Variants in CCDC178 observed in about 807,000 individuals in gnomAD.
The protein encoded by CCDC178 is coiled-coil domain-containing protein 178.
In CCDC178, 126 loss-of-function variants were observed where a neutral mutation model predicts 117.4. That is an observed-to-expected ratio of 1.07 (90% CI 0.93 to 1.24). CCDC178 has a LOEUF of 1.24. Ranked by LOEUF, CCDC178 falls within the 50% of genes most tolerant of loss-of-function variation. CCDC178 has a pLI of 0.00. For synonymous variants in CCDC178, 283 were observed against 313.4 expected (o/e 0.90, Z 1.02); for missense variants, 1,030 against 986.9 (o/e 1.04, Z -0.59).
chr18:33,044,877 A>T (rs1457093976), intron 21 of CCDC178, among the ~76,000 whole-genome samples: 1 of 152,130 alleles, frequency 6.6e-6, no homozygotes, highest in African/African-American at 2.4e-5. Context: ...AGCAACATGG[A>T]TGGAAATGGA....
At chr18:33,440,475 C>T (rs1225200318) in intron 1 of CCDC178, 178 bp downstream of exon 1, 1 of 152,126 alleles carries the variant, frequency 6.6e-6, no homozygotes, top group Non-Finnish European at 1.5e-5. Context: ...CTCCCCACCG[C>T]CTCTGGAAGG....
chr18:33,266,783 A>G, intron 14 of CCDC178, 133 bp downstream of exon 14: 1 of 936,958 alleles, frequency 1.1e-6, no homozygotes, highest in Non-Finnish European at 1.5e-6. Context: ...AACATTTTGA[A>G]TAGAACTTAA....
chr18:33,320,170 T>TA (rs2062485265), intron 11 of CCDC178, among the ~76,000 whole-genome samples: 1 of 152,182 alleles, frequency 6.6e-6, no homozygotes, highest in Non-Finnish European at 1.5e-5. Context: ...TCATTGCCTT[T>TA]GAAAACTGGC....
intron 21 of CCDC178, among the ~76,000 whole-genome samples, chr18:33,045,288 A>C (rs150466338): frequency 1.5e-3 from 221 of 152,354 alleles, no homozygotes; most frequent in African/African-American, 5.0e-3. Flanking sequence ...TGATGCCTGT[A>C]GTGCTTAATA....
chr18:33,110,124 C>T lies in CCDC178; in HGVS notation c.2239-17214G>A, dbSNP rs868592390. ...AGAGAAGTGTGTAGAGATATGTCAT[C>T]GTAGTTTTCATTTGCATTTATTTAT... On this transcript the variant is annotated intron_variant, in intron 20 of 22. Transcript: ENST00000383096. Among the ~76,000 whole-genome samples, 5 of 151,508 alleles carry T rather than the reference C, an allele frequency of 3.3e-5. 1 individual carries two copies. Among genetic ancestry groups the T allele is most frequent in the Non-Finnish European group, 7.4e-5 (5 of 67,654 alleles).
chr18:33,053,033 A>G (rs2056771099), intron 21 of CCDC178, among the ~76,000 whole-genome samples: 1 of 152,344 alleles, frequency 6.6e-6, no homozygotes, highest in South Asian at 2.1e-4. Context: ...ATCTAGCTTC[A>G]AAAGAAATAA....
intron 5 of CCDC178, among the ~76,000 whole-genome samples, chr18:33,389,175 A>G (rs1037123778): frequency 6.6e-6 from 1 of 152,156 alleles, no homozygotes; most frequent in Non-Finnish European, 1.5e-5. Context: ...TATTTAAAAA[A>G]TGAAAAATAC....
chr18:33,426,287 T>C (rs2064124121), intron 2 of CCDC178, among the ~76,000 whole-genome samples: 3 of 152,216 alleles, frequency 2.0e-5, no homozygotes, highest in Admixed American at 6.5e-5. Flanking sequence ...CATTGTTTCC[T>C]TTAGTAACAT....
intron 6 of CCDC178, among the ~76,000 whole-genome samples, chr18:33,365,754 T>C (rs1210378883): frequency 1.3e-5 from 2 of 152,074 alleles, no homozygotes; most frequent in South Asian, 2.1e-4. Flanking sequence ...AGAGGAAAAT[T>C]TTAATTCTGT....
intron 5 of CCDC178, among the ~76,000 whole-genome samples, chr18:33,371,863 G>T (rs1410168524): frequency 6.7e-6 from 1 of 148,300 alleles, no homozygotes; most frequent in African/African-American, 2.5e-5. Context: ...AGTAAAAATT[G>T]CATATTGATC....
intron 22 of CCDC178, among the ~76,000 whole-genome samples, chr18:32,969,105 G>A (rs141280831): frequency 4.5e-4 from 69 of 152,162 alleles, no homozygotes; most frequent in Middle Eastern, 3.4e-3. Flanking sequence ...TACTAAACCA[G>A]TTCACTAACT....
At chr18:33,388,519 A>T (rs1471820660) in intron 5 of CCDC178, among the ~76,000 whole-genome samples, 1 of 65,268 alleles carries the variant, frequency 1.5e-5, no homozygotes, top group African/African-American at 6.3e-5. Context: ...ACACCACGGA[A>T]TTTTTTTTTT....
chr18:33,300,801 G>C (rs1222089322), intron 11 of CCDC178, among the ~76,000 whole-genome samples: 2 of 152,160 alleles, frequency 1.3e-5, no homozygotes, highest in Non-Finnish European at 2.9e-5. Context: ...GGGAGCAAAT[G>C]AATGACTTAA....
chr18:33,388,004 C>T lies in CCDC178; in HGVS notation c.208+1536G>A, dbSNP rs2063518236. Among the ~76,000 whole-genome samples, 7 of 151,846 alleles carry T rather than the reference C, an allele frequency of 4.6e-5. 1 individual carries two copies. The South Asian group carries it at 1.3e-3, about 27-fold the overall frequency. On this transcript the variant is annotated intron_variant, in intron 5 of 22. Transcript: ENST00000383096. ...ATCCAAAATCTACAAAGAACTTAAGCAAATTTACAAGAAATAAACAAACAA... is the reference window on the plus strand; with the variant it reads ...ATCCAAAATCTACAAAGAACTTAAGTAAATTTACAAGAAATAAACAAACAA...
chr18:33,229,844 T>C (rs1193394253), intron 15 of CCDC178, among the ~76,000 whole-genome samples: 1 of 152,140 alleles, frequency 6.6e-6, no homozygotes, highest in African/African-American at 2.4e-5. Flanking sequence ...AGGGTTCCAA[T>C]TAGCTAGTGA....
intron 20 of CCDC178, among the ~76,000 whole-genome samples, chr18:33,193,870 C>T (rs553682609): frequency 6.6e-6 from 1 of 152,288 alleles, no homozygotes; most frequent in Non-Finnish European, 1.5e-5. Flanking sequence ...TTTATTTTCT[C>T]ATGGTTCTGG....
chr18:33,144,646 A>G (rs2144313669), intron 20 of CCDC178, among the ~76,000 whole-genome samples: 1 of 152,240 alleles, frequency 6.6e-6, no homozygotes, highest in South Asian at 2.1e-4. Context: ...ACTTTCAATT[A>G]TGTTGCCAAA....
At chr18:33,009,063 A>G (rs1030805797) in intron 21 of CCDC178, among the ~76,000 whole-genome samples, 3 of 151,708 alleles carry the variant, frequency 2.0e-5, no homozygotes, top group Admixed American at 6.6e-5. Flanking sequence ...TCACTCCTCT[A>G]TTTTTCTTAC....
intron 21 of CCDC178, among the ~76,000 whole-genome samples, chr18:33,057,294 G>C (rs1318059963): frequency 6.6e-6 from 1 of 152,048 alleles, no homozygotes; most frequent in East Asian, 1.9e-4. Flanking sequence ...TATAAAATGG[G>C]GCTATTTATA....
Sources: allele counts gnomAD v4.1 joint callset (sites outside exome capture counted in the v4.1 genomes callset), GRCh38; gene constraint gnomAD v4.1.1; transcripts MANE v1.5; gene names NCBI Gene and HGNC (gene_info 2026-07-23, HGNC 2026-07-21).